The following DYNC1I1 variants were observed in gnomAD, a reference collection of about 807,000 sequenced individuals.
DYNC1I1 encodes the protein dynein cytoplasmic 1 intermediate chain 1, also known as cytoplasmic dynein 1 intermediate chain 1.
A neutral mutation model predicts 86.6 loss-of-function variants in DYNC1I1; 43 were observed. That is an observed-to-expected ratio of 0.50 (90% CI 0.39 to 0.64). DYNC1I1 has a LOEUF of 0.64. DYNC1I1 is among the 30% of genes least tolerant of loss of function. DYNC1I1 has a pLI of 0.00. For synonymous variants in DYNC1I1, 262 were observed against 283.7 expected (o/e 0.92, Z 0.77); for missense variants, 604 against 788.8 (o/e 0.77, Z 2.81).
At chr7:95,802,485 G>A (rs1794603059) in intron 1 of DYNC1I1, among the ~76,000 whole-genome samples, 1 of 152,126 alleles carries the variant, frequency 6.6e-6, no homozygotes, top group Non-Finnish European at 1.5e-5. Context: ...TGTTATACAG[G>A]CAGGGACAAG....
At chr7:96,004,701 C>G (rs1204878430) in intron 10 of DYNC1I1, among the ~76,000 whole-genome samples, 2 of 151,604 alleles carry the variant, frequency 1.3e-5, no homozygotes, top group East Asian at 1.9e-4. Flanking sequence ...AAATCCTAGT[C>G]AAAAGCTATA....
At chr7:95,945,219 A>G (rs912828957) in intron 6 of DYNC1I1, among the ~76,000 whole-genome samples, 1 of 151,936 alleles carries the variant, frequency 6.6e-6, no homozygotes, top group African/African-American at 2.4e-5. Context: ...TAGAGGGGGG[A>G]AAAAAGAAGT....
chr7:95,788,619 C>T (rs1794210724), intron 1 of DYNC1I1, among the ~76,000 whole-genome samples: 1 of 152,184 alleles, frequency 6.6e-6, no homozygotes, highest in Admixed American at 6.5e-5. Context: ...TCGCGGCACA[C>T]ACTGGGGAAA....
rs535805139 is a variant in DYNC1I1, at chr7:95,902,840, A to C, written c.490+32842A>C. On this transcript the variant is annotated intron_variant, in intron 6 of 16. Transcript: ENST00000447467. Reference sequence around the variant, plus strand: ...TAATTACTGCCAGCCACATTCCCTCAATTTATTAAAACAATGGCCCAGCTT... The same window carrying C: ...TAATTACTGCCAGCCACATTCCCTCCATTTATTAAAACAATGGCCCAGCTT... Among the ~76,000 whole-genome samples, 162 of 152,242 alleles carry C rather than the reference A, an allele frequency of 1.1e-3. 1 individual carries two copies. The highest frequency in any genetic ancestry group is 2.0e-3 in the Non-Finnish European group (137 of 68,016).
At chr7:95,853,580 A>G (rs767785473) in intron 5 of DYNC1I1, among the ~76,000 whole-genome samples, 9 of 152,196 alleles carry the variant, frequency 5.9e-5, no homozygotes, top group Non-Finnish European at 1.3e-4. Flanking sequence ...TGGCCTAACA[A>G]TGATCTTTTC....
intron 6 of DYNC1I1, among the ~76,000 whole-genome samples, chr7:95,901,904 G>T (rs553760111): frequency 6.6e-6 from 1 of 152,316 alleles, no homozygotes; most frequent in Non-Finnish European, 1.5e-5. Context: ...TCAACAACAA[G>T]AACTGATTTC....
chr7:95,790,960 C>G (rs1396389576), intron 1 of DYNC1I1, among the ~76,000 whole-genome samples: 2 of 152,132 alleles, frequency 1.3e-5, no homozygotes, highest in Non-Finnish European at 2.9e-5. Context: ...GGCTTAATTA[C>G]AAATTCATAC....
intron 1 of DYNC1I1, among the ~76,000 whole-genome samples, chr7:95,773,982 C>G (rs1350687829): frequency 6.6e-6 from 1 of 152,104 alleles, no homozygotes; most frequent in Non-Finnish European, 1.5e-5. Flanking sequence ...TTTAAAATGC[C>G]AAGTTTGTTC....
At chr7:96,091,977 G>A (rs1790861464) in intron 16 of DYNC1I1, among the ~76,000 whole-genome samples, 4 of 152,134 alleles carry the variant, frequency 2.6e-5, no homozygotes, top group Non-Finnish European at 5.9e-5. Context: ...GATGTGTATA[G>A]TTACAATAAA....
chr7:95,848,354 T>C (rs1356668067), intron 5 of DYNC1I1, among the ~76,000 whole-genome samples: 1 of 152,096 alleles, frequency 6.6e-6, no homozygotes, highest in Non-Finnish European at 1.5e-5. Flanking sequence ...ATAGCTGAAA[T>C]TTTGTATCCT....
intron 5 of DYNC1I1, among the ~76,000 whole-genome samples, chr7:95,842,286 CTTGA>C (rs1338712698): frequency 1.3e-5 from 2 of 152,160 alleles, no homozygotes; most frequent in Admixed American, 1.3e-4. Flanking sequence ...TAGGAAGGGG[CTTGA>C]TTAATTTTTA....
At chr7:96,049,292 A>G (rs1789318987) in intron 14 of DYNC1I1, among the ~76,000 whole-genome samples, 1 of 151,040 alleles carries the variant, frequency 6.6e-6, no homozygotes, top group African/African-American at 2.4e-5. Flanking sequence ...TACTAATCAC[A>G]TTTTGCAGGA....
intron 16 of DYNC1I1, among the ~76,000 whole-genome samples, chr7:96,086,227 T>C (rs1409841635): frequency 6.6e-6 from 1 of 152,242 alleles, no homozygotes; most frequent in African/African-American, 2.4e-5. Flanking sequence ...TGTTTGCTGC[T>C]TATCTGAATT....
chr7:95,844,920 G>A (rs548051560), intron 5 of DYNC1I1, among the ~76,000 whole-genome samples: 129 of 152,284 alleles, frequency 8.5e-4, no homozygotes, highest in African/African-American at 3.1e-3. Context: ...TTCCTAACCT[G>A]ATGACCTTTC....
chr7:96,042,903 T>A (rs748085994), intron 14 of DYNC1I1, among the ~76,000 whole-genome samples: 1 of 152,156 alleles, frequency 6.6e-6, no homozygotes, highest in Non-Finnish European at 1.5e-5. Context: ...GGCTCACACC[T>A]GTGATCCCAG....
At chr7:95,778,557 A>T (rs1285112807) in intron 1 of DYNC1I1, among the ~76,000 whole-genome samples, 3 of 152,226 alleles carry the variant, frequency 2.0e-5, no homozygotes, top group African/African-American at 7.2e-5. Context: ...GCTCTCAAGT[A>T]GTGGTGACTG....
chr7:96,098,113 A>C lies in DYNC1I1; in HGVS notation c.*520A>C. 1.0e-6 allele frequency: 1 copy of C among 986,276 alleles called. No homozygotes were observed. The highest frequency in any genetic ancestry group is 1.2e-6 in the Non-Finnish European group (1 of 830,224). 61.1% of individuals were successfully genotyped at this position (986,276 alleles called of 1,614,324 possible). ...GTAGTGTGCTGCATGGAACGTATTT[A>C]TTTGAAAGCATTAAAATAAATGATC... is the stretch of plus-strand genomic sequence containing the variant. On this transcript the variant is annotated 3_prime_UTR_variant, in exon 17 of 17. Coordinates refer to ENST00000447467, the MANE Select transcript of DYNC1I1 (RefSeq NM_001135556.2).
intron 6 of DYNC1I1, among the ~76,000 whole-genome samples, chr7:95,881,219 A>G (rs77508104): frequency 0.019 from 2,960 of 152,286 alleles, 52 homozygotes; most frequent in East Asian, 0.028. Flanking sequence ...AGCAGCAATA[A>G]AGTCACCTTG....
chr7:96,088,945 A>C (rs1159006972), intron 16 of DYNC1I1, among the ~76,000 whole-genome samples: 1 of 152,184 alleles, frequency 6.6e-6, no homozygotes, highest in African/African-American at 2.4e-5. Flanking sequence ...ACATTGTAAA[A>C]GCAATTTCAT....
Sources: gnomAD v4.1 joint callset for allele counts (sites outside exome capture counted in the v4.1 genomes callset) on GRCh38, gnomAD v4.1.1 for gene constraint, MANE v1.5 for transcripts, NCBI Gene and HGNC (gene_info 2026-07-23, HGNC 2026-07-21) for gene names.